The following MRPS28 variants were observed in gnomAD, a reference collection of about 807,000 sequenced individuals.
The protein encoded by MRPS28 is small ribosomal subunit protein bS1m.
A neutral mutation model predicts 10.8 loss-of-function variants in MRPS28; 7 were observed. The observed-to-expected ratio is 0.65, with a 90% CI of 0.37 to 1.22. The LOEUF (loss-of-function observed/expected upper bound fraction) is 1.22. MRPS28 is among the 50% of genes most tolerant of loss of function. MRPS28 has a pLI of 0.02. For synonymous variants in MRPS28, 121 were observed against 93.3 expected, an observed-to-expected ratio of 1.30 and a Z score of -1.71; for missense variants, 265 against 232.9, an observed-to-expected ratio of 1.14 and a Z score of -0.90.
intron 2 of MRPS28, chr8:79,958,001 A>G (rs1441250638): frequency 1.2e-5 from 2 of 165,836 alleles, no homozygotes; most frequent in East Asian, 3.3e-4. Context: ...AAACTTTAAC[A>G]GCTTTATTGA....
At chr8:80,010,450 A>T (rs183867511) in intron 1 of MRPS28, among the ~76,000 whole-genome samples, 11 of 152,280 alleles carry the variant, frequency 7.2e-5, no homozygotes, top group Admixed American at 2.0e-4. Context: ...AAGATTATAA[A>T]CTCAAATGCC....
intron 2 of MRPS28, chr8:79,958,397 G>A (rs1807283724): frequency 4.3e-6 from 3 of 698,344 alleles, no homozygotes; most frequent in African/African-American, 1.8e-5. Flanking sequence ...CATCACTTGT[G>A]AAAATCTCCT....
chr8:80,030,036 C>G lies in MRPS28; in HGVS notation c.213G>C (p.Lys71Asn), dbSNP rs777403292. ...ELLQKVEPLQKGSPKNVESFA... is the reference protein window; with the variant it reads ...ELLQKVEPLQNGSPKNVESFA... ...TCCCTCTCACCCGCCCGGGCTCCAC[C>G]TTCTGTAGGGGCTCCACCTTCTGTA... is the stretch of plus-strand genomic sequence containing the variant. The change falls in exon 1 of 3, where the codon AAG becomes AAC. Residue 71 changes from lysine (K) to asparagine (N), a missense_variant and splice_region_variant. Physicochemically the swap from Lys to Asn is moderately conservative, Grantham distance 94. Coordinates refer to ENST00000276585, the MANE Select transcript of MRPS28 (RefSeq NM_014018.3). 2 of 1,612,768 alleles carry G rather than the reference C, an allele frequency of 1.2e-6. No individual in the cohort carries two copies. Among genetic ancestry groups the G allele is most frequent in the Non-Finnish European group, 1.7e-6 (2 of 1,179,410 alleles).
intron 1 of MRPS28, among the ~76,000 whole-genome samples, chr8:80,023,053 T>C (rs546480321): frequency 6.6e-6 from 1 of 152,348 alleles, no homozygotes; most frequent in African/African-American, 2.4e-5. Flanking sequence ...GAGAATTCTA[T>C]GTACTTCTTC....
intron 1 of MRPS28, among the ~76,000 whole-genome samples, chr8:80,027,790 CAA>C (rs1218494597): frequency 1.3e-5 from 2 of 152,218 alleles, no homozygotes; most frequent in Non-Finnish European, 2.9e-5. Flanking sequence ...ACCAAGATGT[CAA>C]AGACTTGTGA....
At chr8:79,991,693 T>G (rs1291001644) in intron 2 of MRPS28, among the ~76,000 whole-genome samples, 1 of 152,248 alleles carries the variant, frequency 6.6e-6, no homozygotes, top group African/African-American at 2.4e-5. Flanking sequence ...AGTTACTAAA[T>G]TTTTGTATTA....
At chr8:80,008,281 A>G (rs1436241121) in intron 1 of MRPS28, among the ~76,000 whole-genome samples, 7 of 152,242 alleles carry the variant, frequency 4.6e-5, no homozygotes, top group African/African-American at 1.7e-4. Flanking sequence ...TTCAAGATGG[A>G]TTAAAGACTT....
intron 1 of MRPS28, among the ~76,000 whole-genome samples, chr8:80,009,717 G>A (rs1447566324): frequency 6.6e-6 from 1 of 152,110 alleles, no homozygotes; most frequent in East Asian, 1.9e-4. Context: ...GGCAGGGTAG[G>A]GAGAGTAGAA....
intron 2 of MRPS28, among the ~76,000 whole-genome samples, chr8:79,958,958 C>T (rs1187848079): frequency 6.6e-6 from 1 of 152,004 alleles, no homozygotes; most frequent in Non-Finnish European, 1.5e-5. Context: ...GTTTTGGAGA[C>T]TATATGAGTT....
intron 2 of MRPS28, among the ~76,000 whole-genome samples, chr8:79,994,010 C>T (rs897379788): frequency 1.3e-5 from 2 of 152,154 alleles, no homozygotes; most frequent in Non-Finnish European, 2.9e-5. Flanking sequence ...TTTTGAAACC[C>T]TTCAATTTTC....
chr8:79,946,586 A>G lies in MRPS28; in HGVS notation c.396-27438T>C, dbSNP rs138134387. ...AAGATAGCTTACTTGGGGAAAAAAA[A>G]TCTCTAGAATGCAACAAATAAACCA... On this transcript the variant is annotated intron_variant, in intron 2 of 2. Coordinates refer to ENST00000276585, the MANE Select transcript of MRPS28 (RefSeq NM_014018.3). Among the ~76,000 whole-genome samples the G allele has an allele frequency of 3.5e-3, 536 of 152,244 alleles. 1 individual carries two copies. The highest frequency in any genetic ancestry group is 0.012 in the African/African-American group (518 of 41,554).
intron 2 of MRPS28, among the ~76,000 whole-genome samples, chr8:79,959,680 C>T (rs1807324141): frequency 6.6e-6 from 1 of 151,904 alleles, no homozygotes; most frequent in East Asian, 1.9e-4. Context: ...AAATTTTAGT[C>T]CTAAAAAACT....
chr8:79,924,682 A>T lies in MRPS28; in HGVS notation c.396-5534T>A, dbSNP rs1249859912. Among the ~76,000 whole-genome samples the T allele has an allele frequency of 2.0e-5, 3 of 152,226 alleles. No individual in the cohort carries two copies. The East Asian group carries it at 5.8e-4, about 29-fold the overall frequency. On this transcript the variant is annotated intron_variant, in intron 2 of 2. Transcript: ENST00000276585. Reference sequence around the variant, plus strand: ...TTTTAAGCCTTTTTATTAGCTATATAAAACACTGTAATAATCTTGAACATT... The same window carrying T: ...TTTTAAGCCTTTTTATTAGCTATATTAAACACTGTAATAATCTTGAACATT...
Position 79,958,570 on chromosome 8 carries a change from T to A in MRPS28, c.396-39422A>T, listed in dbSNP as rs183497242. The A allele has an allele frequency of 6.5e-3, 3,665 of 566,632 alleles. 19 individuals are homozygous for A. The highest frequency in any genetic ancestry group is 9.5e-3 in the Non-Finnish European group (3,060 of 322,924). The allele number at this position is 566,632 out of a possible 1,614,324, so 35.1% of individuals were successfully genotyped here. A position where few individuals can be genotyped will look rare whatever the true frequency, so the allele number is the denominator to read the frequency against. ...TTAAGAAAGAGAGTCACTAATTGATTTTGTTGAGTTTTTCTTTAATGTAAA... is the reference window on the plus strand; with the variant it reads ...TTAAGAAAGAGAGTCACTAATTGATATTGTTGAGTTTTTCTTTAATGTAAA... On this transcript the variant is annotated intron_variant, in intron 2 of 2. Transcript: ENST00000276585.
At position 79,929,684 on chromosome 8, in the gene MRPS28, C is replaced by T. The variant is rs75378134; in HGVS notation, c.396-10536G>A. ...ATGGCAGATTCACAGCAGTTTAATA[C>T]GAGAAAGAACTTCTAACAGAACTGG... On this transcript the variant is annotated intron_variant, in intron 2 of 2. Transcript: ENST00000276585. Among the ~76,000 whole-genome samples the T allele has an allele frequency of 5.7e-3, 871 of 151,622 alleles. 9 individuals carry two copies. Among genetic ancestry groups the T allele is most frequent in the African/African-American group, 0.02 (840 of 41,332 alleles).
At chr8:79,927,897 C>T (rs1415939884) in intron 2 of MRPS28, among the ~76,000 whole-genome samples, 1 of 152,116 alleles carries the variant, frequency 6.6e-6, no homozygotes, top group Non-Finnish European at 1.5e-5. Context: ...CTGCAGATTC[C>T]ACACAATCCA....
In MRPS28 at chr8:80,003,187, A is replaced by G. The variant is rs1326899901; in HGVS notation, c.214-7T>C. 3 of 1,560,058 alleles carry G rather than the reference A, an allele frequency of 1.9e-6. No individual in the cohort carries two copies. The highest frequency in any genetic ancestry group is 2.5e-5 in the South Asian group (2 of 81,168). On this transcript the variant is annotated splice_region_variant and splice_polypyrimidine_tract_variant and intron_variant, in intron 1 of 2. Coordinates refer to ENST00000276585, the MANE Select transcript of MRPS28 (RefSeq NM_014018.3). Reference sequence around the variant, plus strand: ...CCACATTTTTTGGAGAACCCTAAATATGAAAAGAGATATTTATATACATAT... The same window carrying G: ...CCACATTTTTTGGAGAACCCTAAATGTGAAAAGAGATATTTATATACATAT...
At chr8:80,005,010 T>C (rs976581023) in intron 1 of MRPS28, among the ~76,000 whole-genome samples, 5 of 152,202 alleles carry the variant, frequency 3.3e-5, no homozygotes, top group African/African-American at 9.7e-5. Flanking sequence ...CTACGTCTGA[T>C]TGGTGTACCC....
At chr8:80,004,430 C>A (rs575536143) in intron 1 of MRPS28, among the ~76,000 whole-genome samples, 1 of 152,240 alleles carries the variant, frequency 6.6e-6, no homozygotes, top group Admixed American at 6.5e-5. Flanking sequence ...AGGGTCCTGA[C>A]TGTTAGAAAG....
Sources: allele counts gnomAD v4.1 joint callset (sites outside exome capture counted in the v4.1 genomes callset), GRCh38; gene constraint gnomAD v4.1.1; transcripts MANE v1.5; gene names NCBI Gene and HGNC (gene_info 2026-07-23, HGNC 2026-07-21).